FGF12: variants seen among roughly 807,000 people sequenced by gnomAD.
FGF12 encodes the protein fibroblast growth factor 12B.
Under a neutral mutation model 23.6 loss-of-function variants are expected in FGF12, and 14 were observed. The observed-to-expected ratio is 0.59, with a 90% CI of 0.39 to 0.93. The LOEUF is 0.93. FGF12 is among the 40% of genes least tolerant of loss of function. The pLI, the probability that FGF12 is intolerant of heterozygous loss-of-function variation, is 0.00. For synonymous variants in FGF12, 62 were observed against 77.3 expected, an observed-to-expected ratio of 0.80 and a Z score of 1.04; for missense variants, 175 against 217.8, an observed-to-expected ratio of 0.80 and a Z score of 1.24.
chr3:192,271,555 T>TATC (rs1713439034), intron 4 of FGF12, among the ~76,000 whole-genome samples: 1 of 152,176 alleles, frequency 6.6e-6, no homozygotes, highest in Admixed American at 6.6e-5. Context: ...CCCACCTACC[T>TATC]GCCTATCTCT....
intron 4 of FGF12, among the ~76,000 whole-genome samples, chr3:192,224,980 C>T (rs75809949): frequency 8.0e-4 from 121 of 152,174 alleles, no homozygotes; most frequent in African/African-American, 2.8e-3. Flanking sequence ...AGAGAGGCCC[C>T]AGGACTTAGC....
At chr3:192,683,771 T>C (rs1717629554) in intron 2 of FGF12, among the ~76,000 whole-genome samples, 1 of 152,162 alleles carries the variant, frequency 6.6e-6, no homozygotes, top group Non-Finnish European at 1.5e-5. Context: ...ATCCAGAAAA[T>C]TCATTTCTTT....
intron 2 of FGF12, among the ~76,000 whole-genome samples, chr3:192,715,501 T>G (rs1718839156): frequency 6.6e-6 from 1 of 152,234 alleles, no homozygotes; most frequent in African/African-American, 2.4e-5. Flanking sequence ...TGTTTTCATT[T>G]TATCCCTTCT....
chr3:192,599,059 A>G (rs1333543411), intron 2 of FGF12, among the ~76,000 whole-genome samples: 2 of 152,088 alleles, frequency 1.3e-5, no homozygotes, highest in Non-Finnish European at 2.9e-5. Flanking sequence ...GGAGTTGAAC[A>G]ATGAGAACAC....
intron 2 of FGF12, among the ~76,000 whole-genome samples, chr3:192,484,348 T>C (rs1375842395): frequency 6.7e-6 from 1 of 150,288 alleles, no homozygotes; most frequent in Non-Finnish European, 1.5e-5. Flanking sequence ...AGAACATCAA[T>C]TTGTATTAAT....
Position 192,139,984 on chromosome 3 carries a change from G to A in FGF12, c.*4025C>T, listed in dbSNP as rs551877842. ...AAATAATTTCCTGTGCATCACAAGG[G>A]GGATTAAAAATCACCAAAGTACTGA... On this transcript the variant is annotated 3_prime_UTR_variant, in exon 6 of 6. Transcript: ENST00000445105. 2 of 151,940 alleles carry A rather than the reference G, an allele frequency of 1.3e-5. No homozygotes were observed. Among genetic ancestry groups the A allele is most frequent in the South Asian group, 4.2e-4 (2 of 4,816 alleles). The allele number at this position is 151,940 out of a possible 1,614,324, so 9.4% of individuals were successfully genotyped here. A position where few individuals can be genotyped will look rare whatever the true frequency, so the allele number is the denominator to read the frequency against.
chr3:192,367,771 C>T (rs903262627), intron 2 of FGF12, among the ~76,000 whole-genome samples: 15 of 152,148 alleles, frequency 9.9e-5, no homozygotes, highest in Non-Finnish European at 1.8e-4. Context: ...AGGCTGAAGA[C>T]GTGTCACTCT....
chr3:192,281,614 T>A (rs182266425), intron 4 of FGF12, among the ~76,000 whole-genome samples: 22 of 152,244 alleles, frequency 1.4e-4, no homozygotes, highest in African/African-American at 5.1e-4. Flanking sequence ...ACTTCACAGA[T>A]GTCTCCATGC....
chr3:192,705,946 G>C (rs1180593685), intron 2 of FGF12, among the ~76,000 whole-genome samples: 1 of 152,124 alleles, frequency 6.6e-6, no homozygotes, highest in Admixed American at 6.5e-5. Context: ...TTAAATGAAG[G>C]AAAACAAACA....
At chr3:192,530,965 C>A (rs1725071680) in intron 2 of FGF12, among the ~76,000 whole-genome samples, 1 of 152,076 alleles carries the variant, frequency 6.6e-6, no homozygotes, top group Non-Finnish European at 1.5e-5. Flanking sequence ...CAGGCATATG[C>A]CACCATGCCC....
intron 2 of FGF12, among the ~76,000 whole-genome samples, chr3:192,404,377 T>C (rs954156430): frequency 2.6e-5 from 4 of 152,170 alleles, no homozygotes; most frequent in African/African-American, 7.2e-5. Context: ...TTTCCCTCCT[T>C]GATTATGAGT....
chr3:192,490,508 CAT>C (rs1247336341), intron 2 of FGF12, among the ~76,000 whole-genome samples: 1 of 151,184 alleles, frequency 6.6e-6, no homozygotes, highest in Non-Finnish European at 1.5e-5. Flanking sequence ...TGTATACACA[CAT>C]ATGTATACAT....
At chr3:192,276,394 G>A (rs972043339) in intron 4 of FGF12, among the ~76,000 whole-genome samples, 10 of 152,118 alleles carry the variant, frequency 6.6e-5, no homozygotes, top group African/African-American at 2.4e-4. Flanking sequence ...ACAATGTTCT[G>A]AATGTGTTCT....
At chr3:192,359,844 T>C (rs955231203) in intron 3 of FGF12, among the ~76,000 whole-genome samples, 4 of 151,134 alleles carry the variant, frequency 2.6e-5, no homozygotes, top group Non-Finnish European at 2.9e-5. Context: ...CTTCATTATC[T>C]TCTTACTATT....
intron 2 of FGF12, among the ~76,000 whole-genome samples, chr3:192,415,627 G>A (rs2108780825): frequency 6.6e-6 from 1 of 151,800 alleles, no homozygotes; most frequent in African/African-American, 2.4e-5. Context: ...TATTAAATCT[G>A]ATATCCTCAG....
intron 2 of FGF12, among the ~76,000 whole-genome samples, chr3:192,561,510 C>G (rs572933253): frequency 2.0e-5 from 3 of 151,996 alleles, no homozygotes; most frequent in African/African-American, 7.2e-5. Flanking sequence ...CTACAGGCAC[C>G]CGCCACCACG....
intron 3 of FGF12, among the ~76,000 whole-genome samples, chr3:192,357,245 A>G (rs2366653): frequency 0.067 from 10,134 of 152,236 alleles, 364 homozygotes; most frequent in South Asian, 0.12. Context: ...GCACTTTGGG[A>G]GGCCGAGGCG....
chr3:192,257,005 T>C (rs1025053986), intron 4 of FGF12, among the ~76,000 whole-genome samples: 5 of 152,194 alleles, frequency 3.3e-5, no homozygotes, highest in African/African-American at 7.2e-5. Context: ...CATAAGCTCA[T>C]AAATTGTAAT....
chr3:192,586,320 G>C (rs544473073), intron 2 of FGF12, among the ~76,000 whole-genome samples: 2 of 152,222 alleles, frequency 1.3e-5, no homozygotes, highest in Admixed American at 6.5e-5. Flanking sequence ...CTGGATTCCT[G>C]CTTATGAGCT....
Sources: allele counts gnomAD v4.1 joint callset (sites outside exome capture counted in the v4.1 genomes callset), GRCh38; gene constraint gnomAD v4.1.1; transcripts MANE v1.5; gene names NCBI Gene and HGNC (gene_info 2026-07-23, HGNC 2026-07-21).